Variants in BCAS3 observed in about 807,000 individuals in gnomAD.
BCAS3 encodes BCAS4/BCAS3 fusion.
BCAS3 carries 53 observed loss-of-function variants against 116.1 expected under a neutral mutation model. The ratio of observed to expected loss-of-function variants is 0.46; its 90% confidence interval spans 0.37 to 0.57. The LOEUF (loss-of-function observed/expected upper bound fraction) is 0.57. BCAS3 is among the 20% of genes least tolerant of loss of function. BCAS3 has a pLI of 0.00. For synonymous variants in BCAS3, 391 were observed against 408.2 expected, an observed-to-expected ratio of 0.96 and a Z score of 0.51; for missense variants, 917 against 1,165.4, an observed-to-expected ratio of 0.79 and a Z score of 3.10.
chr17:61,027,702 T>TG (rs1440530154), intron 16 of BCAS3, among the ~76,000 whole-genome samples: 1 of 151,864 alleles, frequency 6.6e-6, no homozygotes, highest in African/African-American at 2.4e-5. Context: ...CTATATGATT[T>TG]GGGGGGAGTT....
chr17:60,811,995 G>T (rs1291081592), intron 7 of BCAS3, among the ~76,000 whole-genome samples: 1 of 151,942 alleles, frequency 6.6e-6, no homozygotes, highest in Non-Finnish European at 1.5e-5. Flanking sequence ...AGAGGTTGCA[G>T]TGAGCCCAGA....
chr17:60,923,090 G>T (rs2059189460), intron 12 of BCAS3, among the ~76,000 whole-genome samples: 1 of 152,144 alleles, frequency 6.6e-6, no homozygotes, highest in Admixed American at 6.5e-5. Context: ...TAAAGATCTG[G>T]ATAGAAGCTG....
chr17:61,269,241 A>G (rs369023578), intron 22 of BCAS3, among the ~76,000 whole-genome samples: 13 of 151,472 alleles, frequency 8.6e-5, no homozygotes, highest in African/African-American at 1.2e-4. Flanking sequence ...CAGCCTCCCA[A>G]GTAGCTGGGA....
At chr17:61,185,777 A>T (rs1028575440) in intron 22 of BCAS3, among the ~76,000 whole-genome samples, 1 of 152,166 alleles carries the variant, frequency 6.6e-6, no homozygotes, top group Non-Finnish European at 1.5e-5. Context: ...GTCATTTATT[A>T]AAAAATTTGA....
intron 6 of BCAS3, chr17:60,749,053 A>AT (rs1032426839): frequency 1.3e-5 from 2 of 152,140 alleles, no homozygotes; most frequent in Admixed American, 1.3e-4. Context: ...AGCCTTTTAG[A>AT]TTTTTTTCCC....
chr17:60,902,511 C>CA, intron 10 of BCAS3, 109 bp from the exon 11 acceptor site: 2 of 860,078 alleles, frequency 2.3e-6, no homozygotes, highest in Non-Finnish European at 3.8e-6. Context: ...CAAACATTCC[C>CA]ACCCATCACC....
intron 6 of BCAS3, among the ~76,000 whole-genome samples, chr17:60,769,526 G>T (rs2044444952): frequency 6.6e-6 from 1 of 152,218 alleles, no homozygotes; most frequent in Admixed American, 6.5e-5. Flanking sequence ...CCCCAGGGGA[G>T]TTCAAAGACC....
chr17:61,147,016 G>A (rs537041167), intron 22 of BCAS3, among the ~76,000 whole-genome samples: 69 of 152,024 alleles, frequency 4.5e-4, no homozygotes, highest in Admixed American at 7.9e-4. Context: ...CCAGGCTCAA[G>A]CAACCCTCCC....
intron 22 of BCAS3, among the ~76,000 whole-genome samples, chr17:61,177,730 T>G (rs1173109940): frequency 6.6e-6 from 1 of 152,214 alleles, no homozygotes; most frequent in Non-Finnish European, 1.5e-5. Context: ...CAAAATATAT[T>G]CTCAAGGATG....
chr17:60,827,390 G>A (rs2050525438), intron 7 of BCAS3, among the ~76,000 whole-genome samples: 1 of 152,104 alleles, frequency 6.6e-6, no homozygotes, highest in Admixed American at 6.5e-5. Flanking sequence ...ATGACTGTTC[G>A]AGAAATAGGG....
rs1482249519 is a variant in BCAS3 at position 61,235,147 on chromosome 17, A to G, written c.2426-133180A>G. On this transcript the variant is annotated intron_variant, in intron 22 of 23. Transcript: ENST00000407086. The surrounding 1 kb of genome is among the most constrained non-coding windows in gnomAD (Gnocchi z 5.0). ...GATGATCCGCCCACTTCGGTCTTCCAAAGTGCTGGGATTATAGGCGTGAAC... is the reference window on the plus strand; with the variant it reads ...GATGATCCGCCCACTTCGGTCTTCCGAAGTGCTGGGATTATAGGCGTGAAC... 1.3e-5 allele frequency among the ~76,000 whole-genome samples: 2 copies of G among 152,200 alleles called. No individual in the cohort carries two copies. The highest frequency in any genetic ancestry group is 2.9e-5 in the Non-Finnish European group (2 of 68,038).
intron 6 of BCAS3, among the ~76,000 whole-genome samples, chr17:60,788,509 T>G (rs555189047): frequency 6.6e-6 from 1 of 152,324 alleles, no homozygotes; most frequent in East Asian, 1.9e-4. Flanking sequence ...TAATAAACTT[T>G]TTGAAGTCAC....
In BCAS3 at chr17:61,198,125, A is replaced by G. The variant is rs2080593897; in HGVS notation, c.2425+113561A>G. On this transcript the variant is annotated intron_variant, in intron 22 of 23. Transcript: ENST00000407086. The surrounding 1 kb of genome is among the most constrained non-coding windows in gnomAD (Gnocchi z 5.0). ...CTGATATGCGATTAAGATAAAGTGC[A>G]AGATATGTTTTTTTTTTTTCTTTTT... is the stretch of plus-strand genomic sequence containing the variant. Among the ~76,000 whole-genome samples, 1 of 146,316 alleles carries G rather than the reference A, an allele frequency of 6.8e-6. No individual in the cohort carries two copies. Among genetic ancestry groups the G allele is most frequent in the Admixed American group, 7.2e-5 (1 of 13,800 alleles).
chr17:61,338,561 G>C (rs1435776993), intron 22 of BCAS3, among the ~76,000 whole-genome samples: 1 of 152,050 alleles, frequency 6.6e-6, no homozygotes, highest in Non-Finnish European at 1.5e-5. Flanking sequence ...CATTTCTTTT[G>C]GGAAGTAGGT....
In BCAS3 at chr17:60,808,005, T is replaced by G. The variant is rs1475365318; in HGVS notation, c.405T>G (p.Gly135=). The part of the protein sequence containing the change: ...AARILPAPQF[G]AQKCDNFAEK... ...AATTTATTTTATCCTTCCTGTCAGG[T>G]GCTCAAAAATGTGATAACTTTGCTG... Residue 135 remains glycine, a splice_region_variant and synonymous_variant, in exon 7 of 24, where the codon GGT becomes GGG. Coordinates refer to ENST00000407086, the MANE Select transcript of BCAS3 (RefSeq NM_017679.5). 4 of 1,597,368 alleles carry G rather than the reference T, an allele frequency of 2.5e-6. No individual in the cohort carries two copies. Among genetic ancestry groups the G allele is most frequent in the Middle Eastern group, 1.7e-4 (1 of 6,052 alleles).
chr17:61,015,723 A>G (rs1338706695), intron 15 of BCAS3, 28 bp from the exon 16 acceptor site: 1 of 1,612,122 alleles, frequency 6.2e-7, no homozygotes, highest in Non-Finnish European at 8.5e-7. Context: ...TTCCTCAGTG[A>G]TGCTTTTCTT....
At chr17:61,045,165 T>G (rs2067928905) in intron 19 of BCAS3, among the ~76,000 whole-genome samples, 1 of 152,094 alleles carries the variant, frequency 6.6e-6, no homozygotes, top group Non-Finnish European at 1.5e-5. Context: ...GATAGACTTC[T>G]GGGACTTTTG....
chr17:60,989,899 T>C, intron 14 of BCAS3, 72 bp from the exon 15 acceptor site: 2 of 1,463,262 alleles, frequency 1.4e-6, no homozygotes, highest in Middle Eastern at 4.4e-4. Context: ...TCATATTTGG[T>C]GATGTGTGAT....
At chr17:61,081,187 GT>G (rs2072566124) in intron 21 of BCAS3, among the ~76,000 whole-genome samples, 1 of 152,046 alleles carries the variant, frequency 6.6e-6, no homozygotes, top group Admixed American at 6.5e-5. Context: ...AACACATTTA[GT>G]TTTTTTGCTA....
Sources: allele counts gnomAD v4.1 joint callset (sites outside exome capture counted in the v4.1 genomes callset), GRCh38; gene constraint gnomAD v4.1.1; non-coding constraint Gnocchi (gnomAD v3.1); transcripts MANE v1.5; gene names NCBI Gene and HGNC (gene_info 2026-07-23, HGNC 2026-07-21).